The following HMBOX1 variants were observed in gnomAD, a reference collection of about 807,000 sequenced individuals.
HMBOX1 encodes the protein homeobox containing 1.
A neutral mutation model predicts 54.5 loss-of-function variants in HMBOX1; 14 were observed. The ratio of observed to expected loss-of-function variants is 0.26; its 90% CI spans 0.17 to 0.40. The LOEUF is 0.40. HMBOX1 is among the 10% of genes least tolerant of loss of function. The probability of loss-of-function intolerance (pLI) is 1.00; values close to 1 mark genes in which losing one functional copy is unlikely to be tolerated. For missense variants in HMBOX1, 332 were observed against 514.4 expected, an observed-to-expected ratio of 0.65 and a Z score of 3.43; for synonymous variants, 160 against 181.0, an observed-to-expected ratio of 0.88 and a Z score of 0.93.
intron 1 of HMBOX1, among the ~76,000 whole-genome samples, chr8:28,923,283 C>A (rs1022924219): frequency 5.3e-5 from 8 of 152,198 alleles, no homozygotes; most frequent in African/African-American, 1.9e-4. Flanking sequence ...CAGTATACTA[C>A]TATTTGGATC....
At chr8:28,968,631 T>C (rs1265454521) in intron 2 of HMBOX1, among the ~76,000 whole-genome samples, 1 of 152,196 alleles carries the variant, frequency 6.6e-6, no homozygotes, top group Non-Finnish European at 1.5e-5. Flanking sequence ...TAGAAGTGAC[T>C]GTTAATAAAG....
intron 6 of HMBOX1, among the ~76,000 whole-genome samples, chr8:29,041,377 A>G (rs1166324364): frequency 2.6e-5 from 4 of 152,012 alleles, no homozygotes; most frequent in African/African-American, 9.7e-5. Context: ...TTACTGTGAG[A>G]TCCATTTCTT....
At chr8:29,016,429 G>T (rs965429451) in intron 5 of HMBOX1, among the ~76,000 whole-genome samples, 5 of 152,182 alleles carry the variant, frequency 3.3e-5, no homozygotes, top group African/African-American at 1.2e-4. Context: ...TAATAATAGT[G>T]TATTGGGGGA....
intron 1 of HMBOX1, among the ~76,000 whole-genome samples, chr8:28,907,299 G>A (rs1297056307): frequency 6.6e-6 from 1 of 152,148 alleles, no homozygotes; most frequent in Non-Finnish European, 1.5e-5. Flanking sequence ...GGAGTAAGAT[G>A]TTCTTGTCTA....
chr8:29,015,774 G>T (rs188971818), intron 5 of HMBOX1, among the ~76,000 whole-genome samples: 1 of 152,310 alleles, frequency 6.6e-6, no homozygotes, highest in African/African-American at 2.4e-5. Flanking sequence ...TAAAGGGCCA[G>T]ACAGTAAATA....
chr8:28,939,698 C>T (rs549249833), intron 1 of HMBOX1, among the ~76,000 whole-genome samples: 3 of 151,932 alleles, frequency 2.0e-5, no homozygotes, highest in Non-Finnish European at 2.9e-5. Context: ...TTAGTAGAGA[C>T]GAGGTTTCAC....
At chr8:28,900,157 G>T (rs1812925674) in intron 1 of HMBOX1, among the ~76,000 whole-genome samples, 1 of 149,970 alleles carries the variant, frequency 6.7e-6, no homozygotes, top group South Asian at 2.1e-4. Context: ...GCTAAGGCAG[G>T]AGAATTGCTT....
chr8:29,033,270 A>T (rs28679662), intron 6 of HMBOX1, among the ~76,000 whole-genome samples: 2 of 151,928 alleles, frequency 1.3e-5, no homozygotes, highest in African/African-American at 4.8e-5. Context: ...TTATGCCGGA[A>T]GTTGTATTTT....
chr8:29,047,351 T>A lies in HMBOX1; in HGVS notation c.935-7T>A. On this transcript the variant is annotated splice_region_variant and splice_polypyrimidine_tract_variant and intron_variant, in intron 7 of 9. Transcript: ENST00000287701. ...GATTATCTGAATTTTATTGCATGTA[T>A]TCACAGGCAAAAAGCTGTCAGATCT... is the stretch of plus-strand genomic sequence containing the variant. 1 of 1,532,608 alleles carries A rather than the reference T, an allele frequency of 6.5e-7. No homozygotes were observed. Among genetic ancestry groups the A allele is most frequent in the Non-Finnish European group, 9.0e-7 (1 of 1,106,296 alleles). The allele number at this position is 1,532,608 out of a possible 1,614,324, so 94.9% of individuals were successfully genotyped here. A position where few individuals can be genotyped will look rare whatever the true frequency, so the allele number is the denominator to read the frequency against.
intron 6 of HMBOX1, among the ~76,000 whole-genome samples, chr8:29,024,828 G>GT (rs1305365243): frequency 6.6e-6 from 1 of 152,156 alleles, no homozygotes; most frequent in Admixed American, 6.5e-5. Context: ...CCTGGGCTGT[G>GT]GACCTCCACA....
chr8:29,048,195 G>A (rs879645514), intron 8 of HMBOX1, among the ~76,000 whole-genome samples: 15 of 152,242 alleles, frequency 9.9e-5, no homozygotes, highest in South Asian at 4.1e-4. Context: ...GACAAGGAAC[G>A]CAGCAAAAGG....
chr8:28,993,496 A>G (rs1831303879), intron 4 of HMBOX1, among the ~76,000 whole-genome samples: 1 of 152,208 alleles, frequency 6.6e-6, no homozygotes, highest in South Asian at 2.1e-4. Context: ...GGTAAATTAT[A>G]CTATATCTAT....
At position 28,910,541 on chromosome 8, in the gene HMBOX1, T is replaced by A. The variant is rs573142344; in HGVS notation, c.-58+19863T>A. Among the ~76,000 whole-genome samples, 3 of 152,230 alleles carry A rather than the reference T, an allele frequency of 2.0e-5. No individual in the cohort carries two copies. In the East Asian group the frequency reaches 5.8e-4, roughly 29 times the overall value. On this transcript the variant is annotated intron_variant, in intron 1 of 9. Coordinates refer to ENST00000287701, the MANE Select transcript of HMBOX1 (RefSeq NM_001135726.3). ...GAGTCGCAGTTTCTTCACATCCTTG[T>A]CAACACTTGTTATTGTCTATCTTTT...
intron 5 of HMBOX1, among the ~76,000 whole-genome samples, chr8:29,015,776 C>T (rs1307978812): frequency 6.6e-6 from 1 of 152,186 alleles, no homozygotes; most frequent in Admixed American, 6.5e-5. Flanking sequence ...AAGGGCCAGA[C>T]AGTAAATATT....
Position 28,970,153 on chromosome 8 carries a change from A to G in HMBOX1, c.134A>G (p.His45Arg), listed in dbSNP as rs377394078. 1 of 1,614,068 alleles carries G rather than the reference A, an allele frequency of 6.2e-7. No individual in the cohort carries two copies. Among genetic ancestry groups the G allele is most frequent in the Non-Finnish European group, 8.5e-7 (1 of 1,180,014 alleles). Reference protein sequence around the residue: ...RTGMTKHEILHALETLDRLDQ... With the variant: ...RTGMTKHEILRALETLDRLDQ... ...GGAATGACTAAACATGAAATTCTCC[A>G]TGCCTTGGAAACTTTGGACCGTCTT... is the stretch of plus-strand genomic sequence containing the variant. The change falls in exon 3 of 10, where the codon CAT (histidine) becomes CGT (arginine). Residue 45 changes from histidine (H) to arginine (R), a missense_variant. Transcript: ENST00000287701. This position sits in a 1 kb window ranked among gnomAD's most constrained non-coding sequence, Gnocchi z 4.3.
chr8:28,960,764 T>TG (rs1563472739), intron 1 of HMBOX1, among the ~76,000 whole-genome samples: 1 of 19,478 alleles, frequency 5.1e-5, no homozygotes. Flanking sequence ...TTTTTCTTTT[T>TG]CTTTTTTTTT....
Position 28,923,674 on chromosome 8 carries a change from A to C in HMBOX1, c.-58+32996A>C, listed in dbSNP as rs144340362. 2.5e-4 allele frequency among the ~76,000 whole-genome samples: 38 copies of C among 152,330 alleles called. 1 individual carries two copies. The highest frequency in any genetic ancestry group is 8.7e-4 in the African/African-American group (36 of 41,580). On this transcript the variant is annotated intron_variant, in intron 1 of 9. Transcript: ENST00000287701. Reference sequence around the variant, plus strand: ...TGTAATTCTGTTTAACTTCTTGAGGAACTCCCAAACTGTTTACACAGTGGC... The same window carrying C: ...TGTAATTCTGTTTAACTTCTTGAGGCACTCCCAAACTGTTTACACAGTGGC...
intron 1 of HMBOX1, among the ~76,000 whole-genome samples, chr8:28,911,535 T>A (rs144724042): frequency 0.019 from 2,828 of 152,274 alleles, 82 homozygotes; most frequent in African/African-American, 0.065. Flanking sequence ...TTTGTATTTT[T>A]AGTAGAGACA....
At chr8:29,003,541 ATTTTTC>A (rs1832962809) in intron 4 of HMBOX1, among the ~76,000 whole-genome samples, 1 of 52,542 alleles carries the variant, frequency 1.9e-5, no homozygotes, top group African/African-American at 6.5e-5. Flanking sequence ...TCTGTATTAA[ATTTTTC>A]TGTATTAAAT....
Sources: gnomAD v4.1 joint callset for allele counts (sites outside exome capture counted in the v4.1 genomes callset) on GRCh38, gnomAD v4.1.1 for gene constraint, Gnocchi (gnomAD v3.1) non-coding constraint, MANE v1.5 for transcripts, NCBI Gene and HGNC (gene_info 2026-07-23, HGNC 2026-07-21) for gene names.